ELAVL4: variants seen among roughly 807,000 people sequenced by gnomAD.
ELAVL4 encodes the protein ELAV-like protein 4.
ELAVL4 carries 1 observed loss-of-function variant against 35.6 expected under a neutral mutation model. That is an observed-to-expected ratio of 0.03 (90% CI 0.01 to 0.13). ELAVL4 has a LOEUF of 0.13. Ranked by LOEUF, ELAVL4 falls within the 10% of genes least tolerant of loss-of-function variation. ELAVL4 has a pLI of 1.00. For missense variants in ELAVL4, 267 were observed against 464.9 expected (o/e 0.57, Z 3.91); for synonymous variants, 156 against 171.0 (o/e 0.91, Z 0.69).
At chr1:50,091,732 C>G (rs1384163893) in intron 1 of ELAVL4, among the ~76,000 whole-genome samples, 1 of 152,218 alleles carries the variant, frequency 6.6e-6, no homozygotes, top group Non-Finnish European at 1.5e-5. Context: ...TTTCCTGAAA[C>G]CATGTTGTAT....
In ELAVL4 at chr1:50,201,269, A is replaced by C. The variant is rs750701886; in HGVS notation, c.*91A>C. The C allele has an allele frequency of 5.1e-4, 697 of 1,377,494 alleles. No homozygotes were observed. The highest frequency in any genetic ancestry group is 6.4e-4 in the Non-Finnish European group (676 of 1,048,268). 85.3% of individuals were successfully genotyped at this position (1,377,494 alleles called of 1,614,324 possible). On this transcript the variant is annotated 3_prime_UTR_variant, in exon 7 of 7. Coordinates refer to ENST00000371824, the MANE Select transcript of ELAVL4 (RefSeq NM_001144774.3). The surrounding 1 kb of genome is among the most constrained non-coding windows in gnomAD (Gnocchi z 4.3). ...CACACACATACACGAAAGAGAGAGA[A>C]ACAAACTTTTCAAGGCTTATATTCA...
chr1:50,156,887 C>A (rs994154071), intron 2 of ELAVL4, among the ~76,000 whole-genome samples: 1 of 152,144 alleles, frequency 6.6e-6, no homozygotes, highest in South Asian at 2.1e-4. Context: ...TCAGGAATAG[C>A]TGCAGAAATA....
In ELAVL4 at chr1:50,195,747, G is replaced by A. The variant is rs761620230; in HGVS notation, c.695G>A (p.Arg232His). The change falls in exon 5 of 7, where the codon CGC becomes CAC. Residue 232 changes from arginine to histidine, a missense_variant. Physicochemically the swap from Arg to His is conservative, Grantham distance 29. Coordinates refer to ENST00000371824, the MANE Select transcript of ELAVL4 (RefSeq NM_001144774.3). ...LSQLYQSPNRRYPGPLHHQAQ... is the reference protein window; with the variant it reads ...LSQLYQSPNRHYPGPLHHQAQ... ...CAGCTCTACCAGTCCCCCAACCGGC[G>A]CTACCCAGGTCCACTTCACCACCAG... The A allele has an allele frequency of 8.7e-6, 14 of 1,614,074 alleles. No homozygotes were observed. Among genetic ancestry groups the A allele is most frequent in the African/African-American group, 2.7e-5 (2 of 75,026 alleles).
intron 3 of ELAVL4, among the ~76,000 whole-genome samples, chr1:50,177,986 C>T (rs760702213): frequency 4.6e-5 from 7 of 152,200 alleles, no homozygotes; most frequent in Non-Finnish European, 1.0e-4. Context: ...TGGGTCCAGA[C>T]TTCACCTATG....
At chr1:50,168,084 G>A (rs990676113) in intron 2 of ELAVL4, among the ~76,000 whole-genome samples, 1 of 152,154 alleles carries the variant, frequency 6.6e-6, no homozygotes, top group Non-Finnish European at 1.5e-5. Flanking sequence ...TCCTAGAAAG[G>A]GGCTGTAGTG....
chr1:50,058,360 A>T (rs146646504), intron 1 of ELAVL4, among the ~76,000 whole-genome samples: 1 of 152,324 alleles, frequency 6.6e-6, no homozygotes, highest in East Asian at 1.9e-4. Context: ...AGGGGTAAGG[A>T]CAGGATAGGA....
At position 50,201,233 on chromosome 1, in the gene ELAVL4, A is replaced by ATG; in HGVS notation, c.*55_*56insTG. The ATG allele has an allele frequency of 6.8e-7, 1 of 1,466,456 alleles. No individual in the cohort carries two copies. The highest frequency in any genetic ancestry group is 9.0e-7 in the Non-Finnish European group (1 of 1,107,966). 90.8% of individuals were successfully genotyped at this position (1,466,456 alleles called of 1,614,324 possible). ...ATAGAAATATATACGAACAAAACAC[A>ATG]CGCGCGCACACACACACATACACGA... is the stretch of plus-strand genomic sequence containing the variant. On this transcript the variant is annotated 3_prime_UTR_variant, in exon 7 of 7. Transcript: ENST00000371824. This position sits in a 1 kb window ranked among gnomAD's most constrained non-coding sequence, Gnocchi z 4.3.
chr1:50,112,996 C>G (rs1206548526), intron 1 of ELAVL4, among the ~76,000 whole-genome samples: 1 of 152,068 alleles, frequency 6.6e-6, no homozygotes, highest in African/African-American at 2.4e-5. Flanking sequence ...TAGTTCTAAA[C>G]TTAGTCTTGA....
At chr1:50,200,486 A>T (rs929667810) in intron 6 of ELAVL4, among the ~76,000 whole-genome samples, 3 of 151,916 alleles carry the variant, frequency 2.0e-5, no homozygotes, top group African/African-American at 7.3e-5. Context: ...CTCCAAGAGC[A>T]CATTGTCTAT....
Position 50,151,959 on chromosome 1 carries a change from C to T in ELAVL4, c.250+6762C>T, listed in dbSNP as rs545792620. On this transcript the variant is annotated intron_variant, in intron 2 of 6. Coordinates refer to ENST00000371824, the MANE Select transcript of ELAVL4 (RefSeq NM_001144774.3). ...AAGGGGAACTTGAAGAACGTCAGAA[C>T]GTGTAGTGCAAACAGTAAACCATGT... 2.6e-5 allele frequency among the ~76,000 whole-genome samples: 4 copies of T among 152,202 alleles called. No individual in the cohort carries two copies. In the East Asian group the frequency reaches 5.8e-4, roughly 22 times the overall value.
intron 1 of ELAVL4, among the ~76,000 whole-genome samples, chr1:50,133,623 G>GAAAGAAAGAA (rs1312279445): frequency 2.7e-5 from 4 of 148,266 alleles, no homozygotes; most frequent in Admixed American, 6.8e-5. Flanking sequence ...AAGAAAGAAA[G>GAAAGAAAGAA]AAAGAAAGAA....
At chr1:50,182,797 A>T (rs1427311949) in intron 3 of ELAVL4, among the ~76,000 whole-genome samples, 1 of 152,120 alleles carries the variant, frequency 6.6e-6, no homozygotes, top group African/African-American at 2.4e-5. Flanking sequence ...GTACAGAATC[A>T]TATCGTGAAG....
chr1:50,049,241 A>G (rs1322019179), intron 1 of ELAVL4, among the ~76,000 whole-genome samples: 1 of 152,188 alleles, frequency 6.6e-6, no homozygotes, highest in Non-Finnish European at 1.5e-5. Flanking sequence ...AAATGCTTTA[A>G]TTTAGTAGAG....
intron 1 of ELAVL4, among the ~76,000 whole-genome samples, chr1:50,051,188 A>G (rs1450354898): frequency 6.6e-6 from 1 of 152,184 alleles, no homozygotes; most frequent in African/African-American, 2.4e-5. Flanking sequence ...ACTTTTCTCA[A>G]AAGCAAACAT....
At position 50,084,478 on chromosome 1, in the gene ELAVL4, A is replaced by G. The variant is rs76667342; in HGVS notation, c.18+36296A>G. Reference sequence around the variant, plus strand: ...CATATTTTTTCATGGCTGAGATCATACTGTGAACACAGTTTTGACCCTCCC... The same window carrying G: ...CATATTTTTTCATGGCTGAGATCATGCTGTGAACACAGTTTTGACCCTCCC... On this transcript the variant is annotated intron_variant, in intron 1 of 6. Coordinates refer to the ELAVL4 transcript ENST00000448907. 5.3e-3 allele frequency among the ~76,000 whole-genome samples: 805 copies of G among 152,138 alleles called. 4 individuals are homozygous for G. The highest frequency in any genetic ancestry group is 0.02 in the Middle Eastern group (6 of 294).
chr1:50,110,867 C>G (rs1041532014), intron 1 of ELAVL4, among the ~76,000 whole-genome samples: 1 of 152,046 alleles, frequency 6.6e-6, no homozygotes, highest in Admixed American at 6.5e-5. Flanking sequence ...AAAGCGATAG[C>G]TGGGAGGAAA....
intron 1 of ELAVL4, among the ~76,000 whole-genome samples, chr1:50,083,358 C>T (rs952779124): frequency 2.0e-5 from 3 of 152,126 alleles, no homozygotes; most frequent in Non-Finnish European, 2.9e-5. Flanking sequence ...CTGCCAGATA[C>T]CAGGCATTCT....
At chr1:50,155,874 C>T (rs1019415433) in intron 2 of ELAVL4, among the ~76,000 whole-genome samples, 1 of 152,190 alleles carries the variant, frequency 6.6e-6, no homozygotes, top group South Asian at 2.1e-4. Context: ...TAGTCCTCAA[C>T]CACCTTTGCT....
At chr1:50,087,598 T>C (rs754554406) in intron 1 of ELAVL4, among the ~76,000 whole-genome samples, 6 of 152,214 alleles carry the variant, frequency 3.9e-5, no homozygotes, top group Non-Finnish European at 8.8e-5. Flanking sequence ...GTGGACTAAA[T>C]TGTGTCTTCA....
Sources: gnomAD v4.1 joint callset for allele counts (sites outside exome capture counted in the v4.1 genomes callset) on GRCh38, gnomAD v4.1.1 for gene constraint, Gnocchi (gnomAD v3.1) non-coding constraint, MANE v1.5 for transcripts, NCBI Gene and HGNC (gene_info 2026-07-23, HGNC 2026-07-21) for gene names.